ANKRD26: variants seen among roughly 807,000 people sequenced by gnomAD.
The protein encoded by ANKRD26 is ankyrin repeat domain 26.
A neutral mutation model predicts 208.7 loss-of-function variants in ANKRD26; 141 were observed. The ratio of observed to expected loss-of-function variants is 0.68; its 90% CI spans 0.59 to 0.78. ANKRD26 has a LOEUF of 0.78. Among genes scored for constraint, ANKRD26 ranks in the 30% least tolerant of loss-of-function variants. The pLI is 0.00. For synonymous variants in ANKRD26, 636 were observed against 660.4 expected (o/e 0.96, Z 0.57); for missense variants, 1,889 against 1,938.7 (o/e 0.97, Z 0.48).
chr10:27,014,354 A>C, intron 31 of ANKRD26, 140 bp downstream of exon 31: 1 of 643,798 alleles, frequency 1.6e-6, no homozygotes, highest in East Asian at 2.8e-5. Flanking sequence ...TTTAAAGGTA[A>C]GTTAATTTAC....
chr10:27,094,372 C>A (rs1178051664), intron 1 of ANKRD26, among the ~76,000 whole-genome samples: 1 of 129,340 alleles, frequency 7.7e-6, no homozygotes, highest in Non-Finnish European at 1.7e-5. Context: ...CTACTCACCA[C>A]ATTAATGAAA....
At chr10:27,088,911 GT>G (rs547949424) in intron 4 of ANKRD26, among the ~76,000 whole-genome samples, 317 of 152,338 alleles carry the variant, frequency 2.1e-3, no homozygotes, top group African/African-American at 7.4e-3. Context: ...TCCATATAAG[GT>G]TTTGAGTGTA....
intron 25 of ANKRD26, among the ~76,000 whole-genome samples, chr10:27,032,253 C>T (rs538653683): frequency 3.3e-5 from 5 of 152,152 alleles, no homozygotes; most frequent in Non-Finnish European, 7.3e-5. Flanking sequence ...AATCCTAGCA[C>T]TTTGGGAGGC....
At chr10:27,000,910 A>T (rs777385475), downstream of ANKRD26, among the ~76,000 whole-genome samples, 8 of 152,206 alleles carry the variant, frequency 5.3e-5, no homozygotes, top group Non-Finnish European at 1.0e-4. Flanking sequence ...GGGGAGGCTG[A>T]GGCAGGAGGA....
chr10:27,046,201 G>T, intron 18 of ANKRD26, 152 bp downstream of exon 18: 2 of 807,830 alleles, frequency 2.5e-6, no homozygotes, highest in Non-Finnish European at 3.9e-6. Context: ...TGAAATGGCT[G>T]CTTGTCAAAG....
intron 21 of ANKRD26, among the ~76,000 whole-genome samples, chr10:27,038,895 T>C (rs185042070): frequency 1.3e-5 from 2 of 152,314 alleles, no homozygotes; most frequent in Non-Finnish European, 2.9e-5. Flanking sequence ...CTAACGAGCC[T>C]AATACTGGTT....
At chr10:27,024,671 C>A in intron 27 of ANKRD26, 112 bp from the exon 28 acceptor site, 1 of 607,322 alleles carries the variant, frequency 1.6e-6, no homozygotes. Flanking sequence ...ATATAAAATG[C>A]AGTTTATAAA....
the ANKRD26 span, among the ~76,000 whole-genome samples, chr10:26,968,305 T>C: frequency 6.6e-6 from 1 of 152,194 alleles, no homozygotes; most frequent in Non-Finnish European, 1.5e-5. Context: ...TCCCCACTTA[T>C]TGGGTCACTT....
At chr10:27,058,582 A>ATT (rs572964203) in intron 15 of ANKRD26, among the ~76,000 whole-genome samples, 2,295 of 144,834 alleles carry the variant, frequency 0.016, 24 homozygotes, top group Non-Finnish European at 0.025. Context: ...CTCCACCATG[A>ATT]TTTTTTTTTT....
downstream of ANKRD26, among the ~76,000 whole-genome samples, chr10:26,969,807 TTC>T (rs1399696372): frequency 1.0e-4 from 15 of 150,484 alleles, 1 homozygote; most frequent in East Asian, 8.0e-4. Flanking sequence ...ACCTTTTACT[TTC>T]TGTTTTTTTT....
chr10:26,952,261 T>G, the ANKRD26 span, among the ~76,000 whole-genome samples: 1 of 151,920 alleles, frequency 6.6e-6, no homozygotes, highest in African/African-American at 2.4e-5. Context: ...CTGCTTGTGG[T>G]GTGCTGTGCC....
intron 16 of ANKRD26, chr10:27,051,467 T>G: frequency 9.3e-7 from 1 of 1,070,372 alleles, no homozygotes; most frequent in Non-Finnish European, 1.1e-6. Flanking sequence ...TCATATTTTT[T>G]GTCTTATCAA....
Position 27,005,219 on chromosome 10 carries a change from T to C in ANKRD26, c.*371A>G, listed in dbSNP as rs949650676. On this transcript the variant is annotated 3_prime_UTR_variant, in exon 34 of 34. Coordinates refer to ENST00000376087, the MANE Select transcript of ANKRD26 (RefSeq NM_014915.3). ...TCCAAACATGAACAATGACCACAGT[T>C]CCTGCACAACAAAATGATGTCTAAG... 29 of 1,006,708 alleles carry C rather than the reference T, an allele frequency of 2.9e-5. No individual in the cohort carries two copies. Among genetic ancestry groups the C allele is most frequent in the Non-Finnish European group, 3.4e-5 (29 of 843,488 alleles). 62.4% of individuals were successfully genotyped at this position (1,006,708 alleles called of 1,614,324 possible). A position where few individuals can be genotyped will look rare whatever the true frequency, so the allele number is the denominator to read the frequency against.
At chr10:27,032,635 C>CAAAAAAA (rs68062291) in intron 25 of ANKRD26, among the ~76,000 whole-genome samples, 3 of 135,858 alleles carry the variant, frequency 2.2e-5, no homozygotes, top group Non-Finnish European at 3.1e-5. Flanking sequence ...GACTCTGTCT[C>CAAAAAAA]AAAAAAAAAA....
chr10:26,960,160 A>C, the ANKRD26 span, among the ~76,000 whole-genome samples: 1 of 151,264 alleles, frequency 6.6e-6, no homozygotes, highest in Admixed American at 6.6e-5. Flanking sequence ...AAAAAAAAAA[A>C]GGGGGGGTAG....
chr10:27,001,020 A>G (rs2052711877), downstream of ANKRD26, among the ~76,000 whole-genome samples: 1 of 152,194 alleles, frequency 6.6e-6, no homozygotes, highest in Non-Finnish European at 1.5e-5. Context: ...AAACAAACAA[A>G]CAAACAAACA....
At chr10:27,007,787 CAT>C (rs1380574432) in intron 32 of ANKRD26, among the ~76,000 whole-genome samples, 8 of 152,120 alleles carry the variant, frequency 5.3e-5, no homozygotes, top group Non-Finnish European at 7.4e-5. Context: ...ATTATAATGT[CAT>C]GTGAAAATTC....
chr10:27,022,505 A>AT, intron 29 of ANKRD26, 53 bp downstream of exon 29: 1 of 1,368,988 alleles, frequency 7.3e-7, no homozygotes, highest in Non-Finnish European at 1.0e-6. Context: ...TGAGAAGTCT[A>AT]TATTTCCCAA....
downstream of ANKRD26, among the ~76,000 whole-genome samples, chr10:26,989,788 T>C (rs2052453636): frequency 6.6e-6 from 1 of 151,918 alleles, no homozygotes; most frequent in Non-Finnish European, 1.5e-5. Context: ...TTCTGTTGAA[T>C]GAGCAGCAGA....
Sources: allele counts gnomAD v4.1 joint callset (sites outside exome capture counted in the v4.1 genomes callset), GRCh38; gene constraint gnomAD v4.1.1; transcripts MANE v1.5; gene names NCBI Gene and HGNC (gene_info 2026-07-23, HGNC 2026-07-21).